Variants in CALN1 observed in about 807,000 individuals in gnomAD.
CALN1 encodes the protein calcium-binding protein 8.
CALN1 carries 17 observed loss-of-function variants against 30.6 expected under a neutral mutation model. The ratio of observed to expected loss-of-function variants is 0.56; its 90% CI spans 0.38 to 0.83. The LOEUF (loss-of-function observed/expected upper bound fraction) is 0.83. Among genes scored for constraint, CALN1 ranks in the 40% least tolerant of loss-of-function variants. CALN1 has a pLI of 0.00. For missense variants in CALN1, 291 were observed against 354.9 expected (o/e 0.82, Z 1.45); for synonymous variants, 156 against 131.4 (o/e 1.19, Z -1.28).
At chr7:72,123,899 T>C (rs1295793821) in intron 3 of CALN1, among the ~76,000 whole-genome samples, 1 of 152,148 alleles carries the variant, frequency 6.6e-6, no homozygotes, top group African/African-American at 2.4e-5. Flanking sequence ...AAAGGCTATC[T>C]CCAAAGCCTC....
chr7:71,988,113 C>T (rs1271507123), intron 5 of CALN1, among the ~76,000 whole-genome samples: 5 of 152,180 alleles, frequency 3.3e-5, no homozygotes, highest in Non-Finnish European at 5.9e-5. Flanking sequence ...TCATCATCAC[C>T]ACCATCATTG....
upstream of CALN1, among the ~76,000 whole-genome samples, chr7:72,412,586 C>G (rs1440216589): frequency 2.6e-5 from 4 of 152,138 alleles, no homozygotes; most frequent in African/African-American, 9.7e-5. Context: ...CTCCAAGTCC[C>G]CACTGACCCA....
intron 3 of CALN1, among the ~76,000 whole-genome samples, chr7:72,171,625 A>T (rs866281007): frequency 5.3e-5 from 8 of 152,322 alleles, no homozygotes; most frequent in Middle Eastern, 3.4e-3. Flanking sequence ...TGCAAAAAAG[A>T]GGCCCACATC....
chr7:71,994,461 G>A (rs113826407), intron 5 of CALN1, among the ~76,000 whole-genome samples: 3,244 of 142,590 alleles, frequency 0.023, 94 homozygotes, highest in African/African-American at 0.081. Flanking sequence ...GCCGTGAGCC[G>A]AGATCGTGCC....
At chr7:71,888,700 G>A (rs1793065397) in intron 5 of CALN1, among the ~76,000 whole-genome samples, 1 of 152,004 alleles carries the variant, frequency 6.6e-6, no homozygotes, top group Admixed American at 6.6e-5. Flanking sequence ...GGGTAGGTCG[G>A]TGGTTAACAA....
chr7:71,985,760 T>C (rs1459054181), intron 5 of CALN1, among the ~76,000 whole-genome samples: 5 of 151,742 alleles, frequency 3.3e-5, no homozygotes, highest in Non-Finnish European at 7.4e-5. Flanking sequence ...CTGCTAATTT[T>C]TGTATTTTTG....
chr7:72,297,952 T>C (rs1248837487), intron 2 of CALN1, among the ~76,000 whole-genome samples: 3 of 152,256 alleles, frequency 2.0e-5, no homozygotes, highest in Non-Finnish European at 4.4e-5. Context: ...GTTGACAAAG[T>C]TCTGTTTCCA....
chr7:72,170,457 C>CTTGCAAAACAA (rs1439954695), intron 3 of CALN1, among the ~76,000 whole-genome samples: 1 of 152,242 alleles, frequency 6.6e-6, no homozygotes, highest in Non-Finnish European at 1.5e-5. Flanking sequence ...GCTGCAACCA[C>CTTGCAAAACAA]TTGCAAAACA....
intron 1 of CALN1, among the ~76,000 whole-genome samples, chr7:72,440,304 A>C (rs1257899982): frequency 6.6e-6 from 1 of 152,218 alleles, no homozygotes; most frequent in Non-Finnish European, 1.5e-5. Flanking sequence ...ATCTCAGAGC[A>C]CTGGTAAATT....
chr7:72,468,097 A>G, the CALN1 span, among the ~76,000 whole-genome samples: 4 of 152,226 alleles, frequency 2.6e-5, no homozygotes, highest in Non-Finnish European at 5.9e-5. Context: ...TTATGATCCC[A>G]TAATAGTCCA....
At chr7:71,969,758 A>G (rs1797704394) in intron 5 of CALN1, among the ~76,000 whole-genome samples, 1 of 152,176 alleles carries the variant, frequency 6.6e-6, no homozygotes, top group African/African-American at 2.4e-5. Context: ...GTAGAAGGGA[A>G]GTAAATTAAT....
At chr7:72,151,871 C>CT (rs1282848287) in intron 3 of CALN1, among the ~76,000 whole-genome samples, 2 of 151,380 alleles carry the variant, frequency 1.3e-5, no homozygotes, top group East Asian at 3.9e-4. Context: ...ATCACCACAC[C>CT]TGGCTATTTT....
chr7:72,412,616 C>T (rs1807257388), upstream of CALN1, among the ~76,000 whole-genome samples: 1 of 152,208 alleles, frequency 6.6e-6, no homozygotes, highest in African/African-American at 2.4e-5. Flanking sequence ...CTGGCTTCAC[C>T]TCTCACACCC....
chr7:71,924,465 T>G (rs907575166), intron 5 of CALN1, among the ~76,000 whole-genome samples: 12 of 152,064 alleles, frequency 7.9e-5, no homozygotes, highest in Non-Finnish European at 1.5e-4. Context: ...TCATAATAAA[T>G]AAAACACCTA....
chr7:71,846,664 T>A (rs1032612646), intron 5 of CALN1, among the ~76,000 whole-genome samples: 1 of 151,312 alleles, frequency 6.6e-6, no homozygotes, highest in African/African-American at 2.4e-5. Context: ...CTGTGCAATA[T>A]TCTGTGGGGT....
chr7:71,877,036 G>T (rs1030005904), intron 5 of CALN1, among the ~76,000 whole-genome samples: 1 of 152,094 alleles, frequency 6.6e-6, no homozygotes, highest in African/African-American at 2.4e-5. Flanking sequence ...AAAGAAAACT[G>T]ATGAAACCAG....
the CALN1 span, among the ~76,000 whole-genome samples, chr7:72,494,282 A>G: frequency 6.6e-6 from 1 of 152,192 alleles, no homozygotes; most frequent in African/African-American, 2.4e-5. Flanking sequence ...CCTCTGCTGG[A>G]CAGTGTTCCA....
In CALN1 at chr7:71,834,257, GTTAAA is replaced by G. The variant is rs1554349658; in HGVS notation, c.502-23770_502-23766del. On this transcript the variant is annotated intron_variant, in intron 5 of 6. Transcript: ENST00000395275. ...AAAAAAAACCAACAAAAAAAAACTA[GTTAAA>G]TTAAATTACATAAATGACACAGAGT... Among the ~76,000 whole-genome samples the G allele has an allele frequency of 3.5e-4, 42 of 118,574 alleles. No individual in the cohort carries two copies. In the South Asian group the frequency reaches 0.011, roughly 32 times the overall value. 77.8% of individuals were successfully genotyped at this position (118,574 alleles called of 152,430 possible). A position where few individuals can be genotyped will look rare whatever the true frequency, so the allele number is the denominator to read the frequency against.
At chr7:72,367,894 G>A (rs1056951577) in intron 2 of CALN1, among the ~76,000 whole-genome samples, 1 of 152,022 alleles carries the variant, frequency 6.6e-6, no homozygotes, top group Non-Finnish European at 1.5e-5. Flanking sequence ...AACACTTTGG[G>A]AGGCCGAGGC....
Sources: gnomAD v4.1 joint callset for allele counts (sites outside exome capture counted in the v4.1 genomes callset) on GRCh38, gnomAD v4.1.1 for gene constraint, MANE v1.5 for transcripts, NCBI Gene and HGNC (gene_info 2026-07-23, HGNC 2026-07-21) for gene names.